The following SLC35D4 variants were observed in gnomAD, a reference collection of about 807,000 sequenced individuals.
SLC35D4 encodes UDP-N-acetylglucosamine transporter SLC35D4.
chr18:23,285,782 C>T, the SLC35D4 span, among the ~76,000 whole-genome samples: 1 of 152,172 alleles, frequency 6.6e-6, no homozygotes, highest in Non-Finnish European at 1.5e-5. Flanking sequence ...ACCTCCCCTC[C>T]TCACACCGGG....
At chr18:23,239,991 G>A in the SLC35D4 span, among the ~76,000 whole-genome samples, 22 of 152,296 alleles carry the variant, frequency 1.4e-4, no homozygotes, top group South Asian at 1.2e-3. Flanking sequence ...GGTGTTGCGC[G>A]CCTGTAGTCC....
At chr18:23,313,126 CAAAAAAA>C in the SLC35D4 span, among the ~76,000 whole-genome samples, 17 of 29,488 alleles carry the variant, frequency 5.8e-4, no homozygotes, top group East Asian at 0.011. Flanking sequence ...GACTACATCT[CAAAAAAA>C]AAAAAAAAAA....
At chr18:23,254,432 T>A in the SLC35D4 span, among the ~76,000 whole-genome samples, 1 of 152,220 alleles carries the variant, frequency 6.6e-6, no homozygotes, top group Non-Finnish European at 1.5e-5. Context: ...GCTACATGAA[T>A]GCCTGTTTTA....
At chr18:23,424,641 C>T in the SLC35D4 span, among the ~76,000 whole-genome samples, 1 of 152,194 alleles carries the variant, frequency 6.6e-6, no homozygotes, top group African/African-American at 2.4e-5. Context: ...ACGCTTGCTA[C>T]TCTGTAAGAG....
the SLC35D4 span, among the ~76,000 whole-genome samples, chr18:23,348,369 T>C: frequency 6.6e-6 from 1 of 152,338 alleles, no homozygotes; most frequent in Non-Finnish European, 1.5e-5. Context: ...GTTGTTCAAG[T>C]CTTCTATGTA....
chr18:23,286,979 G>C, the SLC35D4 span, among the ~76,000 whole-genome samples: 1 of 150,600 alleles, frequency 6.6e-6, no homozygotes, highest in Non-Finnish European at 1.5e-5. Flanking sequence ...CCTCCTTGGC[G>C]ACTGATCATG....
the SLC35D4 span, among the ~76,000 whole-genome samples, chr18:23,343,068 G>A: frequency 1.1e-3 from 174 of 151,650 alleles, 3 homozygotes; most frequent in African/African-American, 3.3e-3. Flanking sequence ...AACTACAGGC[G>A]TGCGCCACCA....
the SLC35D4 span, among the ~76,000 whole-genome samples, chr18:23,325,524 C>T: frequency 6.6e-6 from 1 of 152,066 alleles, no homozygotes; most frequent in African/African-American, 2.4e-5. Context: ...ACTGAGTGTC[C>T]CTAAAATTCT....
the SLC35D4 span, among the ~76,000 whole-genome samples, chr18:23,240,118 A>G: frequency 2.0e-5 from 3 of 152,122 alleles, no homozygotes; most frequent in African/African-American, 7.2e-5. Flanking sequence ...ACCCTGTCTC[A>G]ACAAAACAAA....
At chr18:23,283,864 T>A in the SLC35D4 span, among the ~76,000 whole-genome samples, 1 of 150,634 alleles carries the variant, frequency 6.6e-6, no homozygotes, top group African/African-American at 2.4e-5. Flanking sequence ...GACAGAGCAG[T>A]GGTATGGGCT....
chr18:23,383,910 A>G, the SLC35D4 span, among the ~76,000 whole-genome samples: 55 of 143,344 alleles, frequency 3.8e-4, no homozygotes, highest in Non-Finnish European at 1.5e-5. Flanking sequence ...GAGATCGGGT[A>G]TGGTCATGGC....
the SLC35D4 span, among the ~76,000 whole-genome samples, chr18:23,251,912 T>A: frequency 6.6e-6 from 1 of 151,906 alleles, no homozygotes; most frequent in Non-Finnish European, 1.5e-5. Flanking sequence ...ATGGTGAAAC[T>A]CAGTCTCTCT....
chr18:23,411,479 GAGAT>G, the SLC35D4 span, among the ~76,000 whole-genome samples: 5 of 72,844 alleles, frequency 6.9e-5, 1 homozygote, highest in South Asian at 1.3e-3. Flanking sequence ...AAGAAAGAAA[GAGAT>G]AGAAAGAAAG....
At chr18:23,378,300 G>T in the SLC35D4 span, among the ~76,000 whole-genome samples, 1 of 151,446 alleles carries the variant, frequency 6.6e-6, no homozygotes, top group Non-Finnish European at 1.5e-5. Context: ...GCCTCCTAAA[G>T]CACTGGGATT....
the SLC35D4 span, among the ~76,000 whole-genome samples, chr18:23,243,889 A>G: frequency 6.6e-6 from 1 of 151,968 alleles, no homozygotes; most frequent in African/African-American, 2.4e-5. Context: ...AAAAAAAAAA[A>G]ACTAATACAA....
the SLC35D4 span, among the ~76,000 whole-genome samples, chr18:23,270,533 C>T: frequency 3.9e-5 from 6 of 152,330 alleles, no homozygotes; most frequent in South Asian, 1.2e-3. Flanking sequence ...AATGGTAGAT[C>T]TGCCAACAGC....
chr18:23,362,928 C>T, the SLC35D4 span, among the ~76,000 whole-genome samples: 1 of 152,120 alleles, frequency 6.6e-6, no homozygotes, highest in African/African-American at 2.4e-5. Flanking sequence ...TGAAGGGCAG[C>T]ATGATTTCTT....
chr18:23,370,106 G>C, the SLC35D4 span: 61 of 856,226 alleles, frequency 7.1e-5, no homozygotes, highest in Admixed American at 2.3e-4. Flanking sequence ...TTGAACCCGG[G>C]GGGTGGAGGG....
chr18:23,329,378 C>T, the SLC35D4 span, among the ~76,000 whole-genome samples: 1 of 152,120 alleles, frequency 6.6e-6, no homozygotes, highest in South Asian at 2.1e-4. Context: ...CAAACCACCC[C>T]ATCAATAAGT....
Sources: allele counts gnomAD v4.1 joint callset (sites outside exome capture counted in the v4.1 genomes callset), GRCh38; gene constraint gnomAD v4.1.1; transcripts MANE v1.5; gene names NCBI Gene and HGNC (gene_info 2026-07-23, HGNC 2026-07-21).